THAP8: variants seen among roughly 807,000 people sequenced by gnomAD.
THAP8 encodes the protein THAP domain containing 8.
A neutral mutation model predicts 25.0 loss-of-function variants in THAP8; 24 were observed. The observed-to-expected ratio is 0.96, with a 90% CI of 0.69 to 1.35. THAP8 has a LOEUF of 1.35. THAP8 is among the 40% of genes most tolerant of loss of function. THAP8 has a pLI of 0.00. For missense variants in THAP8, 399 were observed against 368.8 expected (o/e 1.08, Z -0.67); for synonymous variants, 169 against 157.6 (o/e 1.07, Z -0.54).
At chr19:36,039,831 GGGA>G (rs1969623463) in intron 2 of THAP8, 110 bp downstream of exon 2, 4 of 1,560,622 alleles carry the variant, frequency 2.6e-6, no homozygotes, top group Non-Finnish European at 3.5e-6. Context: ...CCAGACCTCA[GGGA>G]GGAAGTGTCG....
chr19:36,048,931 C>A (rs1317910354), intron 1 of THAP8, among the ~76,000 whole-genome samples: 2 of 150,558 alleles, frequency 1.3e-5, no homozygotes, highest in Non-Finnish European at 2.9e-5. Context: ...CATAACTTAA[C>A]CACACTGATT....
chr19:36,054,203 G>A lies in THAP8; in HGVS notation c.15C>T (p.Cys5=). 6.2e-7 allele frequency: 1 copy of A among 1,613,758 alleles called. No homozygotes were observed. The highest frequency in any genetic ancestry group is 8.5e-7 in the Non-Finnish European group (1 of 1,179,862). The change falls in exon 1 of 4, where the codon TGC becomes TGT. Residue 5 remains cysteine, a synonymous_variant. Coordinates refer to ENST00000292894, the MANE Select transcript of THAP8 (RefSeq NM_152658.3). MPKY[C]RAPNCSNTAG... is the part of the protein sequence containing the mutation. ...CAGTGTTGGAGCAGTTCGGCGCCCT[G>A]CAGTACTTGGGCATGGCTATCCAGC...
rs1037438062 is a variant in THAP8 at position 36,035,356 on chromosome 19, G to A, written c.*84C>T. ...GCACTGCTACTACCCAGGCGTGGGC[G>A]GTGGGGCTGGGCCAAGCCCACGTAT... On this transcript the variant is annotated 3_prime_UTR_variant, in exon 4 of 4. Transcript: ENST00000292894. 7.2e-6 allele frequency: 11 copies of A among 1,517,260 alleles called. No homozygotes were observed. The East Asian group carries it at 9.2e-5, about 13-fold the overall frequency. 94.0% of individuals were successfully genotyped at this position (1,517,260 alleles called of 1,614,324 possible).
chr19:36,043,993 C>T (rs1478429543), intron 1 of THAP8, among the ~76,000 whole-genome samples: 2 of 152,112 alleles, frequency 1.3e-5, no homozygotes, highest in South Asian at 4.1e-4. Context: ...CCCACTTCTC[C>T]GGTTTCCGGG....
chr19:36,043,169 C>T (rs1969757847), intron 1 of THAP8, among the ~76,000 whole-genome samples: 1 of 152,060 alleles, frequency 6.6e-6, no homozygotes, highest in Non-Finnish European at 1.5e-5. Context: ...CTCAGGTGAT[C>T]CACCCACCTC....
chr19:36,039,609 C>A lies in THAP8; in HGVS notation c.386G>T (p.Arg129Leu). Reference protein sequence around the residue: ...SPAIPVSGPVRLVVLGPTSGS... With the variant: ...SPAIPVSGPVLLVVLGPTSGS... ...CGATGTGGGGCCCAGCACCACTAGG[C>A]GCACTGGGCCAGAGACTGGGATGGC... Residue 129 changes from arginine (R) to leucine (L), a missense_variant, in exon 3 of 4, where the codon CGC becomes CTC. Coordinates refer to ENST00000292894, the MANE Select transcript of THAP8 (RefSeq NM_152658.3). 1 of 1,509,786 alleles carries A rather than the reference C, an allele frequency of 6.6e-7. No individual in the cohort carries two copies. The allele number at this position is 1,509,786 out of a possible 1,614,324, so 93.5% of individuals were successfully genotyped here. A position where few individuals can be genotyped will look rare whatever the true frequency, so the allele number is the denominator to read the frequency against.
At chr19:36,054,355 G>T, upstream of THAP8, 1 of 1,025,402 alleles carries the variant, frequency 9.8e-7, no homozygotes, top group Non-Finnish European at 1.4e-6. Flanking sequence ...GTACCGGGGA[G>T]AGAGCTGAGA....
chr19:36,040,012 G>T lies in THAP8; in HGVS notation c.208C>A (p.Arg70Ser), dbSNP rs146907955. The T allele has an allele frequency of 6.2e-7, 1 of 1,613,822 alleles. No homozygotes were observed. The highest frequency in any genetic ancestry group is 8.5e-7 in the Non-Finnish European group (1 of 1,179,966). ...EHFTPSCFQW[R>S]WGVRYLRPDA... ...GGCCGCAGGTAGCGCACACCCCAGC[G>T]CCACTGGAAGCAGGAGGGTGTGAAG... Residue 70 changes from arginine to serine, a missense_variant, in exon 2 of 4, where the codon CGC becomes AGC. Transcript: ENST00000292894.
intron 1 of THAP8, among the ~76,000 whole-genome samples, chr19:36,049,767 A>C (rs1400331278): frequency 2.0e-5 from 3 of 152,156 alleles, no homozygotes; most frequent in African/African-American, 7.2e-5. Flanking sequence ...TAAGAGTGGA[A>C]ACGGGCCAGG....
In THAP8 at chr19:36,043,605, G is replaced by T. The variant is rs955866782; in HGVS notation, c.84-3469C>A. ...TAATAGGCCAGGCACGGTGGCTCAC[G>T]CCTGTAATCCCAGCACTTTGGGAGG... On this transcript the variant is annotated intron_variant, in intron 1 of 3. Transcript: ENST00000292894. Among the ~76,000 whole-genome samples, 2 of 152,082 alleles carry T rather than the reference G, an allele frequency of 1.3e-5. 1 individual carries two copies. Among genetic ancestry groups the T allele is most frequent in the South Asian group, 4.2e-4 (2 of 4,818 alleles).
chr19:36,044,123 G>A (rs1391645201), intron 1 of THAP8, among the ~76,000 whole-genome samples: 2 of 152,146 alleles, frequency 1.3e-5, no homozygotes, highest in East Asian at 3.9e-4. Flanking sequence ...TTGCAGCCAG[G>A]GGTGGCCACA....
At chr19:36,045,203 T>G (rs1325060523) in intron 1 of THAP8, among the ~76,000 whole-genome samples, 3 of 152,134 alleles carry the variant, frequency 2.0e-5, no homozygotes, top group Admixed American at 1.3e-4. Context: ...TTCTCCTGCC[T>G]CAGCCTCCCG....
chr19:36,045,545 A>G (rs571098715), intron 1 of THAP8, among the ~76,000 whole-genome samples: 1 of 152,318 alleles, frequency 6.6e-6, no homozygotes, highest in African/African-American at 2.4e-5. Flanking sequence ...CTGAAATTAC[A>G]GGCGTGAACC....
chr19:36,037,952 T>C (rs536785332), intron 3 of THAP8, among the ~76,000 whole-genome samples: 9 of 152,072 alleles, frequency 5.9e-5, no homozygotes, highest in South Asian at 2.1e-4. Context: ...TTTGTTTTTG[T>C]TTTTGTTTTT....
chr19:36,035,725 G>T, intron 3 of THAP8, 133 bp from the exon 4 acceptor site: 1 of 957,944 alleles, frequency 1.0e-6, no homozygotes, highest in Non-Finnish European at 1.6e-6. Context: ...GATGTGGGGA[G>T]AGATATGAGG....
In THAP8 at chr19:36,039,702, C is replaced by T. The variant is rs753131009; in HGVS notation, c.293G>A (p.Arg98Gln). ...CGGCGAGACTGGCTTCTGGGTGCTTCGGGTCCTCCGCTGACTCTGGAAGAC... is the reference window on the plus strand; with the variant it reads ...CGGCGAGACTGGCTTCTGGGTGCTTTGGGTCCTCCGCTGACTCTGGAAGAC... The part of the protein sequence containing the change: ...GPPAKSQRRT[R>Q]STQKPVSPPP... The change falls in exon 3 of 4, where the codon CGA becomes CAA. Residue 98 changes from arginine to glutamine, a missense_variant. Coordinates refer to ENST00000292894, the MANE Select transcript of THAP8 (RefSeq NM_152658.3). The T allele has an allele frequency of 2.0e-6, 3 of 1,522,168 alleles. No homozygotes were observed. In the African/African-American group the frequency reaches 4.2e-5, roughly 21 times the overall value. The allele number at this position is 1,522,168 out of a possible 1,614,324, so 94.3% of individuals were successfully genotyped here. A position where few individuals can be genotyped will look rare whatever the true frequency, so the allele number is the denominator to read the frequency against.
intron 3 of THAP8, among the ~76,000 whole-genome samples, chr19:36,036,683 G>A (rs1969459778): frequency 1.3e-5 from 2 of 152,054 alleles, no homozygotes; most frequent in East Asian, 1.9e-4. Flanking sequence ...GCTCATACCT[G>A]TAATCCCAGC....
Position 36,046,398 on chromosome 19 carries a change from T to A in THAP8, c.84-6262A>T, listed in dbSNP as rs772689295. Among the ~76,000 whole-genome samples, 3 of 151,998 alleles carry A rather than the reference T, an allele frequency of 2.0e-5. No individual in the cohort carries two copies. In the East Asian group the frequency reaches 5.8e-4, roughly 29 times the overall value. Reference sequence around the variant, plus strand: ...TAGTGTGAGAACAGACTAAGACACATAGGAAGGACACACAAGAAACTAAAG... The same window carrying A: ...TAGTGTGAGAACAGACTAAGACACAAAGGAAGGACACACAAGAAACTAAAG... On this transcript the variant is annotated intron_variant, in intron 1 of 3. Coordinates refer to ENST00000292894, the MANE Select transcript of THAP8 (RefSeq NM_152658.3).
At chr19:36,054,006 C>T (rs1335122095) in intron 1 of THAP8, 129 bp downstream of exon 1, 1 of 1,021,764 alleles carries the variant, frequency 9.8e-7, no homozygotes, top group Admixed American at 2.1e-5. Context: ...AGGCCATCTC[C>T]TCATGGTTTA....
Sources: gnomAD v4.1 joint callset for allele counts (sites outside exome capture counted in the v4.1 genomes callset) on GRCh38, gnomAD v4.1.1 for gene constraint, MANE v1.5 for transcripts, NCBI Gene and HGNC (gene_info 2026-07-23, HGNC 2026-07-21) for gene names.